The following BAHCC1 variants were observed in gnomAD, a reference collection of about 807,000 sequenced individuals.
The protein encoded by BAHCC1 is BAH domain and coiled-coil containing 1.
In BAHCC1, 43 loss-of-function variants were observed where a neutral mutation model predicts 88.2. That is an observed-to-expected ratio of 0.49 (90% CI 0.38 to 0.63). The LOEUF is 0.63. BAHCC1 is among the 20% of genes least tolerant of loss of function. The pLI, the probability that BAHCC1 is intolerant of heterozygous loss-of-function variation, is 0.00. For synonymous variants in BAHCC1, 1,510 were observed against 745.5 expected (o/e 2.03, Z -16.71); for missense variants, 3,023 against 1,654.8 (o/e 1.83, Z -14.34).
In BAHCC1 at chr17:81,447,329, G is replaced by T; in HGVS notation, c.3457G>T (p.Gly1153Trp). Residue 1153 changes from glycine (G) to tryptophan (W), a missense_variant, in exon 11 of 28, where the codon GGG becomes TGG. Gly to Trp is a radical substitution (Grantham distance 184, BLOSUM62 -2). Transcript: ENST00000675386. Reference sequence around the variant, plus strand: ...GGCAGCGGACCCCAGCCCACTAGAGGGGCTACAAGAACTGCAATGTGCGGC... The same window carrying T: ...GGCAGCGGACCCCAGCCCACTAGAGTGGCTACAAGAACTGCAATGTGCGGC... ...GKAADPSPLE[G>W]LQELQCAALL... The T allele has an allele frequency of 1.3e-6, 1 of 746,930 alleles. No individual in the cohort carries two copies. The highest frequency in any genetic ancestry group is 2.5e-6 in the Non-Finnish European group (1 of 403,226). The allele number at this position is 746,930 out of a possible 1,614,324, so 46.3% of individuals were successfully genotyped here. A position where few individuals can be genotyped will look rare whatever the true frequency, so the allele number is the denominator to read the frequency against.
intron 2 of BAHCC1, among the ~76,000 whole-genome samples, chr17:81,406,660 CT>C (rs1280818640): frequency 6.6e-6 from 1 of 152,246 alleles, no homozygotes; most frequent in Admixed American, 6.5e-5. Context: ...TGGGCTGCCC[CT>C]GTTTGTTGTA....
intron 4 of BAHCC1, among the ~76,000 whole-genome samples, chr17:81,440,328 G>A (rs1030969912): frequency 7.9e-5 from 12 of 152,194 alleles, no homozygotes; most frequent in African/African-American, 2.9e-4. Flanking sequence ...CAGGCCTCTC[G>A]GCTTTCACAA....
Position 81,445,694 on chromosome 17 carries a change from G to A in BAHCC1, c.3163+13G>A, listed in dbSNP as rs782521317. On this transcript the variant is annotated intron_variant, in intron 10 of 27. Coordinates refer to ENST00000675386, the MANE Select transcript of BAHCC1 (RefSeq NM_001377448.1). ...ACATCCGAACCAGGTGAGAGTAGCC[G>A]CCTGGCCCGGCCCACTGTGCTCCGC... 34 of 719,692 alleles carry A rather than the reference G, an allele frequency of 4.7e-5. 1 individual carries two copies. Among genetic ancestry groups the A allele is most frequent in the Admixed American group, 2.4e-4 (12 of 50,288 alleles). 44.6% of individuals were successfully genotyped at this position (719,692 alleles called of 1,614,324 possible).
chr17:81,424,419 C>T (rs2064150172), intron 2 of BAHCC1, among the ~76,000 whole-genome samples: 1 of 152,218 alleles, frequency 6.6e-6, no homozygotes, highest in South Asian at 2.1e-4. Flanking sequence ...AGGGTGCTCT[C>T]CCTGTGAAGA....
Position 81,442,956 on chromosome 17 carries a change from C to T in BAHCC1, c.1607C>T (p.Pro536Leu). ...GGCAAGGAAGCCCCGGCCGGCCCCC[C>T]AGGGGCACAGAAGGTGGCCCGCATC... The part of the protein sequence containing the change: ...TVGKEAPAGP[P>L]GAQKVARIRH... Residue 536 changes from proline to leucine, a missense_variant, in exon 5 of 28, where the codon CCA (proline) becomes CTA (leucine). Pro to Leu is a moderately conservative substitution (Grantham distance 98). Coordinates refer to ENST00000675386, the MANE Select transcript of BAHCC1 (RefSeq NM_001377448.1). 1 of 779,134 alleles carries T rather than the reference C, an allele frequency of 1.3e-6. No homozygotes were observed. Among genetic ancestry groups the T allele is most frequent in the Admixed American group, 1.7e-5 (1 of 59,016 alleles). The allele number at this position is 779,134 out of a possible 1,614,324, so 48.3% of individuals were successfully genotyped here.
intron 27 of BAHCC1, 46 bp from the exon 28 acceptor site, chr17:81,463,565 C>T (rs1555660052): frequency 2.6e-6 from 2 of 774,886 alleles, no homozygotes; most frequent in Non-Finnish European, 2.4e-6. Context: ...GGCAGGGGCG[C>T]ACTGGCCAAG....
At chr17:81,404,187 C>T (rs929110257) in intron 2 of BAHCC1, among the ~76,000 whole-genome samples, 2 of 152,156 alleles carry the variant, frequency 1.3e-5, no homozygotes, top group African/African-American at 4.8e-5. Context: ...AAAAATACCC[C>T]TCAGAAACAC....
At chr17:81,407,486 G>A (rs782492181) in intron 2 of BAHCC1, 2 of 484,010 alleles carry the variant, frequency 4.1e-6, no homozygotes, top group Admixed American at 2.1e-5. Flanking sequence ...TTAACACATG[G>A]CATGGGTGAG....
chr17:81,403,262 G>GC (rs1156336074), intron 2 of BAHCC1, among the ~76,000 whole-genome samples: 22 of 152,168 alleles, frequency 1.4e-4, no homozygotes, highest in Non-Finnish European at 2.8e-4. Context: ...AGGGGCCAGG[G>GC]CTCCACCAAG....
Position 81,457,527 on chromosome 17 carries a change from C to T in BAHCC1, c.4976C>T (p.Ser1659Phe). Residue 1659 changes from serine (S) to phenylalanine (F), a missense_variant, in exon 17 of 28, where the codon TCC (serine) becomes TTC (phenylalanine). Coordinates refer to ENST00000675386, the MANE Select transcript of BAHCC1 (RefSeq NM_001377448.1). ...GTGGCCGTGCTGGGGCCCTCACCCT[C>T]CTCTGTGGTCAAGATGGAGGCCAAC... Reference protein sequence around the residue: ...ASVAVLGPSPSSVVKMEANQK... With the variant: ...ASVAVLGPSPFSVVKMEANQK... 1.3e-6 allele frequency: 1 copy of T among 753,450 alleles called. No homozygotes were observed. 46.7% of individuals were successfully genotyped at this position (753,450 alleles called of 1,614,324 possible).
chr17:81,426,126 A>ATGGTGGGTGATGTGGTTGGTGGTGAT (rs2064194016), intron 2 of BAHCC1, among the ~76,000 whole-genome samples: 3 of 3,206 alleles, frequency 9.4e-4, no homozygotes, highest in African/African-American at 2.7e-3. Context: ...TGGTGGTGAT[A>ATGGTGGGTGATGTGGTTGGTGGTGAT]GTGGTTGGTG....
At chr17:81,423,388 A>G (rs2064138365) in intron 2 of BAHCC1, among the ~76,000 whole-genome samples, 1 of 150,588 alleles carries the variant, frequency 6.6e-6, no homozygotes, top group Non-Finnish European at 1.5e-5. Flanking sequence ...GAGTCACCTC[A>G]TGTCTGGGAA....
chr17:81,442,912 C>T lies in BAHCC1; in HGVS notation c.1563C>T (p.Cys521=), dbSNP rs1383871308. The change falls in exon 5 of 28, where the codon TGC becomes TGT. Residue 521 remains cysteine, a synonymous_variant. Transcript: ENST00000675386. ...GCGGGAAGGCCCCCCAGGCCTGCTG[C>T]ACTTTAGATAAGACTGTTGGCAAGG... The part of the protein sequence containing the change: ...PLGGKAPQAC[C]TLDKTVGKEA... 3.9e-6 allele frequency: 3 copies of T among 779,054 alleles called. No homozygotes were observed. The highest frequency in any genetic ancestry group is 1.3e-5 in the South Asian group (1 of 74,616). 48.3% of individuals were successfully genotyped at this position (779,054 alleles called of 1,614,324 possible). A position where few individuals can be genotyped will look rare whatever the true frequency, so the allele number is the denominator to read the frequency against.
Position 81,465,020 on chromosome 17 carries a change from AGAAT to A in BAHCC1, c.*1205_*1208del, listed in dbSNP as rs1255525615. On this transcript the variant is annotated 3_prime_UTR_variant, in exon 28 of 28. Coordinates refer to ENST00000675386, the MANE Select transcript of BAHCC1 (RefSeq NM_001377448.1). Reference sequence around the variant, plus strand: ...CCAGATTCTCTCCTCACCCCCAAGCAGAATGCATGCAAAAGACACCCCTTTTCCC... The same window carrying A: ...CCAGATTCTCTCCTCACCCCCAAGCAGCATGCAAAAGACACCCCTTTTCCC... The A allele has an allele frequency of 6.6e-6, 1 of 152,308 alleles. No homozygotes were observed. Among genetic ancestry groups the A allele is most frequent in the African/African-American group, 2.4e-5 (1 of 41,442 alleles). 9.4% of individuals were successfully genotyped at this position (152,308 alleles called of 1,614,324 possible).
rs1555658871 is a variant in BAHCC1 at position 81,460,585 on chromosome 17, G to A, written c.6081G>A (p.Lys2027=). 1.3e-6 allele frequency: 1 copy of A among 769,938 alleles called. No homozygotes were observed. Among genetic ancestry groups the A allele is most frequent in the Admixed American group, 1.7e-5 (1 of 57,960 alleles). 47.7% of individuals were successfully genotyped at this position (769,938 alleles called of 1,614,324 possible). Residue 2027 remains lysine (K), a synonymous_variant, in exon 25 of 28, where the codon AAG becomes AAA. Coordinates refer to ENST00000675386, the MANE Select transcript of BAHCC1 (RefSeq NM_001377448.1). ...LVSSSCRRTK[K]VSSEAPPPSE... is the part of the protein sequence containing the mutation. ...CTAGCAGCTGCCGGAGGACCAAGAA[G>A]GTATCCAGTGAGGCACCCCCGCCTA...
rs531794245 is a variant in BAHCC1 at position 81,433,081 on chromosome 17, C to G, written c.359-5289C>G. 1.7e-3 allele frequency among the ~76,000 whole-genome samples: 258 copies of G among 151,354 alleles called. 1 individual carries two copies. The highest frequency in any genetic ancestry group is 2.7e-3 in the Non-Finnish European group (185 of 67,820). ...CAGATGGAGCTGGCCCGGCCCGCCC[C>G]TGAGGCAGCTGTGGGTCACCACTTG... is the stretch of plus-strand genomic sequence containing the variant. On this transcript the variant is annotated intron_variant, in intron 3 of 27. Coordinates refer to ENST00000675386, the MANE Select transcript of BAHCC1 (RefSeq NM_001377448.1).
At chr17:81,409,910 G>T in intron 2 of BAHCC1, 1 of 180,986 alleles carries the variant, frequency 5.5e-6, no homozygotes. Flanking sequence ...TCAGGCCCGG[G>T]AGAGCACCTG....
intron 2 of BAHCC1, among the ~76,000 whole-genome samples, chr17:81,403,544 A>G (rs1355474067): frequency 1.3e-5 from 2 of 152,088 alleles, no homozygotes; most frequent in African/African-American, 2.4e-5. Context: ...CCAACTTGGC[A>G]GAGGAAAAAA....
In BAHCC1 at chr17:81,444,543, C is replaced by T. The variant is rs782373133; in HGVS notation, c.2487C>T (p.Ser829=). 8 of 715,248 alleles carry T rather than the reference C, an allele frequency of 1.1e-5. No individual in the cohort carries two copies. The highest frequency in any genetic ancestry group is 3.0e-5 in the South Asian group (2 of 66,252). The allele number at this position is 715,248 out of a possible 1,614,324, so 44.3% of individuals were successfully genotyped here. A position where few individuals can be genotyped will look rare whatever the true frequency, so the allele number is the denominator to read the frequency against. The change falls in exon 7 of 28, where the codon TCC becomes TCT. Residue 829 remains serine, a synonymous_variant. Coordinates refer to ENST00000675386, the MANE Select transcript of BAHCC1 (RefSeq NM_001377448.1). The part of the protein sequence containing the change: ...PPWLPRTRSP[S]LWMGGHSYGL... Reference sequence around the variant, plus strand: ...GGCTGCCCCGCACCCGCAGCCCCTCCCTGTGGATGGGGGGGCACTCCTACG... The same window carrying T: ...GGCTGCCCCGCACCCGCAGCCCCTCTCTGTGGATGGGGGGGCACTCCTACG...
Sources: gnomAD v4.1 joint callset for allele counts (sites outside exome capture counted in the v4.1 genomes callset) on GRCh38, gnomAD v4.1.1 for gene constraint, MANE v1.5 for transcripts, NCBI Gene and HGNC (gene_info 2026-07-23, HGNC 2026-07-21) for gene names.